The following CAMSAP1 variants were observed in gnomAD, a reference collection of about 807,000 sequenced individuals.
CAMSAP1 encodes the protein calmodulin-regulated spectrin-associated protein 1.
CAMSAP1 carries 58 observed loss-of-function variants against 143.5 expected under a neutral mutation model. That is an observed-to-expected ratio of 0.40 (90% CI 0.33 to 0.50). CAMSAP1 has a LOEUF of 0.50. CAMSAP1 is among the 20% of genes least tolerant of loss of function. The probability of loss-of-function intolerance (pLI) is 0.45; values close to 1 mark genes in which losing one functional copy is unlikely to be tolerated. For missense variants in CAMSAP1, 1,969 were observed against 2,115.7 expected (o/e 0.93, Z 1.36); for synonymous variants, 945 against 859.3 (o/e 1.10, Z -1.74).
At chr9:135,862,349 T>C in intron 5 of CAMSAP1, 118 bp downstream of exon 5, 2 of 1,210,238 alleles carry the variant, frequency 1.7e-6, no homozygotes, top group Non-Finnish European at 2.2e-6. Flanking sequence ...TCCCAATTTA[T>C]ATTAAGGATT....
chr9:135,822,162 G>A lies in CAMSAP1; in HGVS notation c.2499C>T (p.Ser833=), dbSNP rs949908317. 1.9e-6 allele frequency: 3 copies of A among 1,613,688 alleles called. No homozygotes were observed. The highest frequency in any genetic ancestry group is 2.5e-6 in the Non-Finnish European group (3 of 1,179,906). ...QRLNSCETKS[S]TSSSQKTTPD... ...GCGTGGTCTTCTGGGAGCTGCTGGT[G>A]CTGGACTTGGTCTCACAGCTGTTGA... The change falls in exon 11 of 17, where the codon AGC becomes AGT. Residue 833 remains serine, a synonymous_variant. Transcript: ENST00000389532. This position sits in a 1 kb window ranked among gnomAD's most constrained non-coding sequence, Gnocchi z 6.1.
chr9:135,840,945 T>C (rs1411893877), intron 7 of CAMSAP1, among the ~76,000 whole-genome samples: 2 of 152,082 alleles, frequency 1.3e-5, no homozygotes, highest in African/African-American at 4.8e-5. Flanking sequence ...ACCGAGCTAG[T>C]TGCAGGAGTT....
chr9:135,836,395 C>A (rs1836040707), intron 7 of CAMSAP1: 1 of 984,194 alleles, frequency 1.0e-6, no homozygotes, highest in African/African-American at 1.8e-5. Flanking sequence ...ACACACGTTA[C>A]CACGCTTTTT....
chr9:135,889,494 G>T (rs779064904), intron 1 of CAMSAP1, among the ~76,000 whole-genome samples: 1 of 152,216 alleles, frequency 6.6e-6, no homozygotes, highest in African/African-American at 2.4e-5. Flanking sequence ...AAGCCCGAAC[G>T]AAACAAAAAC....
intron 1 of CAMSAP1, among the ~76,000 whole-genome samples, chr9:135,894,927 C>T (rs1182170101): frequency 1.3e-5 from 2 of 152,146 alleles, no homozygotes; most frequent in Non-Finnish European, 2.9e-5. Context: ...GTAATGAGAG[C>T]CAAATGAAGA....
chr9:135,903,866 T>TG (rs1471412168), intron 1 of CAMSAP1, among the ~76,000 whole-genome samples: 5 of 152,098 alleles, frequency 3.3e-5, no homozygotes, highest in Non-Finnish European at 7.4e-5. Context: ...GAAGAAGTGT[T>TG]GGGGGGACCC....
chr9:135,821,645 G>A lies in CAMSAP1; in HGVS notation c.3016C>T (p.Leu1006Phe). ...LERNKVISAA[L>F]LEDTVGEVVD... ...ACCTCCCCAACAGTGTCCTCCAGGA[G>A]GGCAGCGGAGATCACCTTATTTCTC... The change falls in exon 11 of 17, where the codon CTC becomes TTC. Residue 1006 changes from leucine (L) to phenylalanine (F), a missense_variant. Leu to Phe is a conservative substitution (Grantham distance 22). Transcript: ENST00000389532. The surrounding 1 kb of genome is among the most constrained non-coding windows in gnomAD (Gnocchi z 4.6). The A allele has an allele frequency of 6.2e-7, 1 of 1,614,016 alleles. No individual in the cohort carries two copies. Among genetic ancestry groups the A allele is most frequent in the Non-Finnish European group, 8.5e-7 (1 of 1,179,894 alleles).
In CAMSAP1 at chr9:135,903,976, G is replaced by A. The variant is rs137892784; in HGVS notation, c.160+3024C>T. ...ACACCTAGGCTGTGACCCCAACAAC[G>A]TAAATCACTTCAGCTGAGCTGAGGC... On this transcript the variant is annotated intron_variant, in intron 1 of 16. Coordinates refer to ENST00000389532, the MANE Select transcript of CAMSAP1 (RefSeq NM_015447.4). 3.5e-3 allele frequency among the ~76,000 whole-genome samples: 533 copies of A among 152,292 alleles called. 1 individual carries two copies. The highest frequency in any genetic ancestry group is 5.0e-3 in the Non-Finnish European group (340 of 68,026).
intron 7 of CAMSAP1, among the ~76,000 whole-genome samples, chr9:135,829,592 A>C (rs1397034285): frequency 1.3e-5 from 2 of 152,110 alleles, no homozygotes; most frequent in Non-Finnish European, 2.9e-5. Flanking sequence ...AGTGGCTCAC[A>C]CCTGTAATCC....
Position 135,820,704 on chromosome 9 carries a change from G to T in CAMSAP1, c.3822+135C>A. 2 of 1,195,204 alleles carry T rather than the reference G, an allele frequency of 1.7e-6. No homozygotes were observed. The highest frequency in any genetic ancestry group is 2.3e-6 in the Non-Finnish European group (2 of 863,080). 74.0% of individuals were successfully genotyped at this position (1,195,204 alleles called of 1,614,324 possible). Reference sequence around the variant, plus strand: ...GGACAGAGACTCTGTGGCCCACAAAGCTAAACACACACATCCCCTGGCCTC... The same window carrying T: ...GGACAGAGACTCTGTGGCCCACAAATCTAAACACACACATCCCCTGGCCTC... On this transcript the variant is annotated intron_variant, in intron 11 of 16. Transcript: ENST00000389532. The surrounding 1 kb of genome is among the most constrained non-coding windows in gnomAD (Gnocchi z 4.4).
At chr9:135,899,819 T>C (rs1304231846) in intron 1 of CAMSAP1, among the ~76,000 whole-genome samples, 1 of 152,072 alleles carries the variant, frequency 6.6e-6, no homozygotes, top group African/African-American at 2.4e-5. Context: ...CAGTTTTCAC[T>C]CTAATGGAAC....
intron 1 of CAMSAP1, among the ~76,000 whole-genome samples, chr9:135,905,632 C>A (rs1025900079): frequency 2.6e-5 from 4 of 152,142 alleles, no homozygotes; most frequent in African/African-American, 4.8e-5. Context: ...AACCTAAGAA[C>A]GTAACGTGGG....
At chr9:135,865,478 G>T in intron 4 of CAMSAP1, 1 of 1,026,766 alleles carries the variant, frequency 9.7e-7, no homozygotes, top group Non-Finnish European at 1.4e-6. Flanking sequence ...AGGCGGGAGA[G>T]CCTCTGGTAA....
chr9:135,860,322 G>T (rs139848081), intron 5 of CAMSAP1, among the ~76,000 whole-genome samples: 1 of 152,012 alleles, frequency 6.6e-6, no homozygotes. Flanking sequence ...CCATGGCCAG[G>T]CGCGGTGGCT....
intron 5 of CAMSAP1, among the ~76,000 whole-genome samples, chr9:135,852,924 TG>T (rs1216902102): frequency 6.6e-6 from 1 of 152,078 alleles, no homozygotes; most frequent in South Asian, 2.1e-4. Flanking sequence ...GGGCAAACGC[TG>T]ACAAAATGGA....
chr9:135,862,003 AT>A (rs1369299687), intron 5 of CAMSAP1, among the ~76,000 whole-genome samples: 1 of 152,224 alleles, frequency 6.6e-6, no homozygotes, highest in African/African-American at 2.4e-5. Flanking sequence ...TCAATTTTGC[AT>A]TAATTTTCCC....
chr9:135,898,386 T>C (rs1187885641), intron 1 of CAMSAP1, among the ~76,000 whole-genome samples: 1 of 152,238 alleles, frequency 6.6e-6, no homozygotes, highest in African/African-American at 2.4e-5. Context: ...GGCTCCCGCC[T>C]GTAATCCTAG....
chr9:135,879,161 T>C (rs1837849054), intron 3 of CAMSAP1, among the ~76,000 whole-genome samples: 1 of 152,100 alleles, frequency 6.6e-6, no homozygotes, highest in East Asian at 1.9e-4. Context: ...CCTACCTCAG[T>C]AGATCATGTC....
At chr9:135,814,920 C>T (rs894046300) in intron 16 of CAMSAP1, among the ~76,000 whole-genome samples, 177 bp downstream of exon 16, 1 of 152,266 alleles carries the variant, frequency 6.6e-6, no homozygotes, top group African/African-American at 2.4e-5. Context: ...ACTGCAGCCC[C>T]TGGACCTTGG....
Sources: gnomAD v4.1 joint callset for allele counts (sites outside exome capture counted in the v4.1 genomes callset) on GRCh38, gnomAD v4.1.1 for gene constraint, Gnocchi (gnomAD v3.1) non-coding constraint, MANE v1.5 for transcripts, NCBI Gene and HGNC (gene_info 2026-07-23, HGNC 2026-07-21) for gene names.